PXDNL: variants seen among roughly 807,000 people sequenced by gnomAD.
The protein encoded by PXDNL is peroxidasin like, also known as probable oxidoreductase PXDNL.
A neutral mutation model predicts 150.8 loss-of-function variants in PXDNL; 145 were observed. The observed-to-expected ratio is 0.96, with a 90% CI of 0.84 to 1.10. PXDNL has a LOEUF of 1.10. Ranked by LOEUF, PXDNL falls within the 50% of genes least tolerant of loss-of-function variation. PXDNL has a pLI of 0.00. For synonymous variants in PXDNL, 757 were observed against 725.7 expected (o/e 1.04, Z -0.69); for missense variants, 2,087 against 1,873.9 (o/e 1.11, Z -2.10).
intron 1 of PXDNL, among the ~76,000 whole-genome samples, chr8:51,751,488 T>C (rs1021472975): frequency 9.9e-5 from 15 of 152,246 alleles, no homozygotes; most frequent in Non-Finnish European, 1.6e-4. Flanking sequence ...TACACCATGC[T>C]GGAGCTCATG....
chr8:51,608,622 G>A (rs932447012), intron 2 of PXDNL, among the ~76,000 whole-genome samples: 2 of 148,704 alleles, frequency 1.3e-5, no homozygotes, highest in Non-Finnish European at 3.0e-5. Context: ...CAGATCACGA[G>A]GTCAGGAGAT....
At position 51,476,092 on chromosome 8, in the gene PXDNL, G is replaced by C. The variant is rs998757974; in HGVS notation, c.525-951C>G. On this transcript the variant is annotated intron_variant, in intron 6 of 22. Coordinates refer to ENST00000356297, the MANE Select transcript of PXDNL (RefSeq NM_144651.5). ...AGCCTGGGTGACAGAGTGTGACCCT[G>C]TCCCAAAAGCAAAAACAAACAAACA... Among the ~76,000 whole-genome samples the C allele has an allele frequency of 3.4e-5, 5 of 148,524 alleles. No individual in the cohort carries two copies. The South Asian group carries it at 6.4e-4, about 19-fold the overall frequency.
intron 17 of PXDNL, among the ~76,000 whole-genome samples, chr8:51,405,012 C>T (rs1046464328): frequency 6.6e-6 from 1 of 152,202 alleles, no homozygotes; most frequent in Non-Finnish European, 1.5e-5. Flanking sequence ...GAGCTCAGCA[C>T]CGGGACCCAG....
intron 4 of PXDNL, among the ~76,000 whole-genome samples, chr8:51,530,515 C>G (rs1237210304): frequency 3.9e-5 from 6 of 152,172 alleles, no homozygotes; most frequent in Non-Finnish European, 7.4e-5. Flanking sequence ...TATATTTCTC[C>G]TGCTCAAAGT....
chr8:51,431,958 T>A (rs1408717871), intron 12 of PXDNL, among the ~76,000 whole-genome samples: 1 of 152,248 alleles, frequency 6.6e-6, no homozygotes, highest in African/African-American at 2.4e-5. Flanking sequence ...ATTGCAAATA[T>A]CTTCTATTTC....
At chr8:51,420,372 A>G (rs1337553542) in intron 14 of PXDNL, among the ~76,000 whole-genome samples, 1 of 152,206 alleles carries the variant, frequency 6.6e-6, no homozygotes, top group Non-Finnish European at 1.5e-5. Context: ...TTTGGGTTTT[A>G]TAAACACATA....
intron 21 of PXDNL, among the ~76,000 whole-genome samples, chr8:51,323,493 T>C (rs918020154): frequency 1.3e-5 from 2 of 152,164 alleles, no homozygotes; most frequent in African/African-American, 4.8e-5. Context: ...CTCGCTATAT[T>C]ACCCAGGCTG....
At chr8:51,734,113 C>T (rs1816988564) in intron 1 of PXDNL, among the ~76,000 whole-genome samples, 1 of 151,914 alleles carries the variant, frequency 6.6e-6, no homozygotes, top group East Asian at 1.9e-4. Context: ...ACCTCACTAT[C>T]AGTATAATGC....
chr8:51,567,193 T>A (rs939020618), intron 3 of PXDNL, among the ~76,000 whole-genome samples: 1 of 151,824 alleles, frequency 6.6e-6, no homozygotes, highest in South Asian at 2.1e-4. Flanking sequence ...GTATGGCATA[T>A]AATATGGTCC....
intron 2 of PXDNL, among the ~76,000 whole-genome samples, chr8:51,620,265 G>A (rs184233039): frequency 6.6e-6 from 1 of 152,268 alleles, no homozygotes; most frequent in East Asian, 1.9e-4. Flanking sequence ...ATATCCCAAA[G>A]TAATTTTCTA....
chr8:51,784,512 T>C (rs2037442945), intron 1 of PXDNL, among the ~76,000 whole-genome samples: 1 of 152,232 alleles, frequency 6.6e-6, no homozygotes, highest in Admixed American at 6.5e-5. Flanking sequence ...AGACAGTTCA[T>C]AAACATTAAA....
At chr8:51,782,791 T>C (rs2037427158) in intron 1 of PXDNL, among the ~76,000 whole-genome samples, 1 of 152,202 alleles carries the variant, frequency 6.6e-6, no homozygotes, top group Non-Finnish European at 1.5e-5. Flanking sequence ...TCTTCTGGGG[T>C]TAACATAACC....
chr8:51,715,373 T>A (rs1816593013), intron 1 of PXDNL, among the ~76,000 whole-genome samples: 1 of 152,164 alleles, frequency 6.6e-6, no homozygotes, highest in African/African-American at 2.4e-5. Flanking sequence ...ACATGGCTAG[T>A]CATCAGCGAA....
chr8:51,665,919 T>C (rs1563500477), intron 1 of PXDNL, among the ~76,000 whole-genome samples: 1 of 152,248 alleles, frequency 6.6e-6, no homozygotes, highest in Non-Finnish European at 1.5e-5. Context: ...TCTGGAACTG[T>C]CAACTATGCG....
intron 4 of PXDNL, among the ~76,000 whole-genome samples, chr8:51,513,838 A>T (rs1811476802): frequency 6.6e-6 from 1 of 151,988 alleles, no homozygotes; most frequent in African/African-American, 2.4e-5. Flanking sequence ...GGCCTGGAAG[A>T]CTCTCCCAAT....
At chr8:51,474,452 TC>T (rs1810426721) in intron 7 of PXDNL, among the ~76,000 whole-genome samples, 1 of 152,224 alleles carries the variant, frequency 6.6e-6, no homozygotes, top group Non-Finnish European at 1.5e-5. Flanking sequence ...ATCCAAGGTT[TC>T]CATTATTTAA....
intron 20 of PXDNL, among the ~76,000 whole-genome samples, chr8:51,341,409 AT>A (rs1284733556): frequency 6.6e-6 from 1 of 151,202 alleles, no homozygotes; most frequent in Non-Finnish European, 1.5e-5. Flanking sequence ...AAATTTCCTT[AT>A]TTTTTTTCAC....
At chr8:51,499,907 A>G in intron 4 of PXDNL, 137 bp from the exon 5 acceptor site, 1 of 600,802 alleles carries the variant, frequency 1.7e-6, no homozygotes, top group African/African-American at 1.9e-5. Context: ...CAAAAATCAG[A>G]AACTCTGAGA....
chr8:51,676,288 T>C (rs1217965087), intron 1 of PXDNL, among the ~76,000 whole-genome samples: 1 of 152,160 alleles, frequency 6.6e-6, no homozygotes, highest in Non-Finnish European at 1.5e-5. Flanking sequence ...ATTCACTTTT[T>C]TTTTTTGAGA....
Sources: allele counts gnomAD v4.1 joint callset (sites outside exome capture counted in the v4.1 genomes callset), GRCh38; gene constraint gnomAD v4.1.1; transcripts MANE v1.5; gene names NCBI Gene and HGNC (gene_info 2026-07-23, HGNC 2026-07-21).